RPAP3: variants seen among roughly 807,000 people sequenced by gnomAD.
RPAP3 encodes RNA polymerase II associated protein 3, also known as RNA polymerase II-associated protein 3.
In RPAP3, 58 loss-of-function variants were observed where a neutral mutation model predicts 88.8. That is an observed-to-expected ratio of 0.65 (90% CI 0.53 to 0.81). RPAP3 has a LOEUF of 0.81. Ranked by LOEUF, RPAP3 falls within the 40% of genes least tolerant of loss-of-function variation. The pLI, the probability that RPAP3 is intolerant of heterozygous loss-of-function variation, is 0.00. For missense variants in RPAP3, 751 were observed against 764.3 expected (o/e 0.98, Z 0.20); for synonymous variants, 255 against 259.9 (o/e 0.98, Z 0.18).
intron 12 of RPAP3, among the ~76,000 whole-genome samples, chr12:47,677,748 G>C (rs1239412014): frequency 6.6e-6 from 1 of 152,058 alleles, no homozygotes; most frequent in Admixed American, 6.5e-5. Flanking sequence ...AATAAAAGAG[G>C]ACACAAACAA....
At chr12:47,686,545 T>TACACATACACACACACAC (rs57271770) in intron 9 of RPAP3, among the ~76,000 whole-genome samples, 3,620 of 145,358 alleles carry the variant, frequency 0.025, 46 homozygotes, top group East Asian at 0.042. Context: ...CACATACACA[T>TACACATACACACACACAC]ACACACACAC....
intron 13 of RPAP3, among the ~76,000 whole-genome samples, chr12:47,669,489 ATATAG>A (rs2136608318): frequency 6.6e-6 from 1 of 152,310 alleles, no homozygotes; most frequent in East Asian, 1.9e-4. Flanking sequence ...AAAACTGCCT[ATATAG>A]TATTGTCCCA....
At chr12:47,688,461 G>A (rs931838648) in intron 7 of RPAP3, among the ~76,000 whole-genome samples, 2 of 151,996 alleles carry the variant, frequency 1.3e-5, no homozygotes, top group Admixed American at 1.3e-4. Flanking sequence ...TAAAAAGCCT[G>A]CACATGTACC....
At position 47,697,665 on chromosome 12, in the gene RPAP3, G is replaced by C. The variant is rs200075662; in HGVS notation, c.349C>G (p.Gln117Glu). ...KDDSTHESLS[Q>E]ESESEEDGIH... ...CCATCTTCTTCCGACTCTGATTCTT[G>C]AGACAGAGACTCATGGGTACTATCG... The change falls in exon 4 of 17, where the codon CAA becomes GAA. Residue 117 changes from glutamine (Q) to glutamate (E), a missense_variant. Gln to Glu is a conservative substitution (Grantham distance 29). Transcript: ENST00000005386. 51 of 1,609,716 alleles carry C rather than the reference G, an allele frequency of 3.2e-5. No homozygotes were observed. In the East Asian group the frequency reaches 9.8e-4, roughly 31 times the overall value.
intron 12 of RPAP3, among the ~76,000 whole-genome samples, chr12:47,674,821 C>T (rs1311982506): frequency 1.3e-5 from 2 of 152,154 alleles, no homozygotes; most frequent in East Asian, 3.8e-4. Flanking sequence ...GGAAAACACA[C>T]TTCAGGATAT....
intron 5 of RPAP3, among the ~76,000 whole-genome samples, chr12:47,692,453 C>T (rs1284186710): frequency 6.6e-6 from 1 of 152,220 alleles, no homozygotes; most frequent in African/African-American, 2.4e-5. Flanking sequence ...CAGCTTCTTT[C>T]CTTAAACCTC....
Position 47,686,889 on chromosome 12 carries a change from CTT to C in RPAP3, c.881_882del (p.Lys294ArgfsTer5). ...TCAATTGCTCTTTCATATTTCCCCT[CTT>C]TGAAAAATCCATTCCCCTGTTATTT... ...SEKDRGNGFF[K>X]EGKYERAIEC... On this transcript the variant is annotated frameshift_variant, in exon 9 of 17. Coordinates refer to ENST00000005386, the MANE Select transcript of RPAP3 (RefSeq NM_024604.3). LOFTEE classifies it high-confidence loss of function. 6.3e-7 allele frequency: 1 copy of C among 1,597,618 alleles called. No homozygotes were observed. The highest frequency in any genetic ancestry group is 8.5e-7 in the Non-Finnish European group (1 of 1,170,496).
chr12:47,685,553 T>C (rs1237500890), intron 9 of RPAP3, among the ~76,000 whole-genome samples: 1 of 152,192 alleles, frequency 6.6e-6, no homozygotes, highest in Non-Finnish European at 1.5e-5. Context: ...GGCTGGCAAC[T>C]GTTGGGCAAC....
At chr12:47,671,354 A>G (rs1326549369) in intron 12 of RPAP3, among the ~76,000 whole-genome samples, 1 of 152,204 alleles carries the variant, frequency 6.6e-6, no homozygotes, top group African/African-American at 2.4e-5. Context: ...AGCTTTAGAA[A>G]AGAGAAGAAA....
At chr12:47,695,232 A>G (rs1170805689) in intron 5 of RPAP3, among the ~76,000 whole-genome samples, 4 of 152,146 alleles carry the variant, frequency 2.6e-5, no homozygotes, top group African/African-American at 9.6e-5. Flanking sequence ...ATTATCCTAT[A>G]TAACAGTTAC....
intron 16 of RPAP3, among the ~76,000 whole-genome samples, chr12:47,665,089 T>C (rs1938842627): frequency 7.5e-6 from 1 of 134,126 alleles, no homozygotes; most frequent in South Asian, 2.5e-4. Flanking sequence ...GGCAGTTTGG[T>C]AATTTTTTTT....
At chr12:47,671,057 T>G (rs1938987295) in intron 12 of RPAP3, among the ~76,000 whole-genome samples, 1 of 152,176 alleles carries the variant, frequency 6.6e-6, no homozygotes, top group African/African-American at 2.4e-5. Flanking sequence ...AAGTAAACCC[T>G]TTTTTCCAAT....
intron 1 of RPAP3, among the ~76,000 whole-genome samples, chr12:47,704,409 C>T (rs912159550): frequency 6.6e-6 from 1 of 152,072 alleles, no homozygotes; most frequent in Admixed American, 6.5e-5. Context: ...TGCTCTGTCG[C>T]CCAGGCTGGA....
At chr12:47,698,409 CTT>C (rs1939581167) in intron 3 of RPAP3, among the ~76,000 whole-genome samples, 1 of 152,154 alleles carries the variant, frequency 6.6e-6, no homozygotes, top group Non-Finnish European at 1.5e-5. Flanking sequence ...TTCTCAATCT[CTT>C]TTGACTCACA....
chr12:47,688,860 A>C (rs556713986), intron 7 of RPAP3, among the ~76,000 whole-genome samples: 1 of 152,302 alleles, frequency 6.6e-6, no homozygotes, highest in East Asian at 1.9e-4. Flanking sequence ...CAGTGGGATA[A>C]AAAAATAATA....
At chr12:47,674,592 G>A (rs1314452015) in intron 12 of RPAP3, among the ~76,000 whole-genome samples, 5 of 152,156 alleles carry the variant, frequency 3.3e-5, no homozygotes, top group African/African-American at 7.2e-5. Context: ...TGAGAACTTC[G>A]TGATGCATGC....
At chr12:47,664,871 T>C (rs983160102) in intron 16 of RPAP3, 4 of 152,082 alleles carry the variant, frequency 2.6e-5, no homozygotes, top group African/African-American at 9.7e-5. Flanking sequence ...ATAATAAACA[T>C]ACACATGAAC....
At chr12:47,665,758 A>C (rs1254937302) in intron 16 of RPAP3, among the ~76,000 whole-genome samples, 1 of 151,922 alleles carries the variant, frequency 6.6e-6, no homozygotes, top group African/African-American at 2.4e-5. Context: ...CTCCCACCTC[A>C]GCCCCCCTAG....
chr12:47,674,800 G>A (rs1404532125), intron 12 of RPAP3, among the ~76,000 whole-genome samples: 1 of 152,144 alleles, frequency 6.6e-6, no homozygotes, highest in Non-Finnish European at 1.5e-5. Context: ...TGGGGAGAAT[G>A]GAACCACATT....
Sources: allele counts gnomAD v4.1 joint callset (sites outside exome capture counted in the v4.1 genomes callset), GRCh38; gene constraint gnomAD v4.1.1; transcripts MANE v1.5; gene names NCBI Gene and HGNC (gene_info 2026-07-23, HGNC 2026-07-21).